The following ZNF765 variants were observed in gnomAD, a reference collection of about 807,000 sequenced individuals.
ZNF765 encodes the protein zinc finger protein 765.
ZNF765 carries 37 observed loss-of-function variants against 44.7 expected under a neutral mutation model. That is an observed-to-expected ratio of 0.83 (90% CI 0.64 to 1.09). ZNF765 has a LOEUF of 1.09. Among genes scored for constraint, ZNF765 ranks in the 50% least tolerant of loss-of-function variants. The pLI is 0.00. For missense variants in ZNF765, 594 were observed against 626.1 expected, an observed-to-expected ratio of 0.95 and a Z score of 0.55; for synonymous variants, 201 against 213.7, an observed-to-expected ratio of 0.94 and a Z score of 0.52.
At chr19:53,405,877 A>G (rs1054745205) in intron 3 of ZNF765, among the ~76,000 whole-genome samples, 2 of 135,116 alleles carry the variant, frequency 1.5e-5, no homozygotes, top group Admixed American at 7.8e-5. Context: ...TATTTTGTGC[A>G]TAGTGAACTA....
At chr19:53,401,887 A>C (rs1555831374) in intron 2 of ZNF765, 178 bp from the exon 3 acceptor site, 1 of 1,542,310 alleles carries the variant, frequency 6.5e-7, no homozygotes, top group Non-Finnish European at 8.8e-7. Flanking sequence ...AAAAAAAAAA[A>C]AAAGAACTTT....
chr19:53,409,599 A>C lies in ZNF765; in HGVS notation c.*472A>C, dbSNP rs199769980. 42 of 1,463,278 alleles carry C rather than the reference A, an allele frequency of 2.9e-5. No individual in the cohort carries two copies. In the East Asian group the frequency reaches 9.4e-4, roughly 33 times the overall value. 90.6% of individuals were successfully genotyped at this position (1,463,278 alleles called of 1,614,324 possible). ...CCTTGAAAGACAAAGGAGAATTCAT[A>C]CTGGAGAGAAACCATACAAGTGTAA... On this transcript the variant is annotated 3_prime_UTR_variant, in exon 4 of 4. Coordinates refer to ENST00000396408, the MANE Select transcript of ZNF765 (RefSeq NM_001040185.3).
At chr19:53,397,831 A>G in intron 1 of ZNF765, 112 bp from the exon 2 acceptor site, 1 of 1,102,512 alleles carries the variant, frequency 9.1e-7, no homozygotes, top group Non-Finnish European at 1.3e-6. Flanking sequence ...TGTGGTCGGC[A>G]GCATAGGGGA....
In ZNF765 at chr19:53,409,127, A is replaced by G. The variant is rs1258457459; in HGVS notation, c.1572A>G (p.Ter524=). Residue 524 remains the stop codon, a stop_retained_variant, in exon 4 of 4, where the codon TAA becomes TAG. Coordinates refer to ENST00000396408, the MANE Select transcript of ZNF765 (RefSeq NM_001040185.3). ...ATACTGGAGAGAAACTACACGTGTA[A>G]TGAGTGTGGTAAGACCTTCAATCAG... ...RIYTGEKLHV[*] is the part of the protein sequence containing the mutation. The G allele has an allele frequency of 6.8e-6, 11 of 1,611,170 alleles. No individual in the cohort carries two copies. Among genetic ancestry groups the G allele is most frequent in the Non-Finnish European group, 9.3e-6 (11 of 1,177,668 alleles).
At chr19:53,406,178 A>G (rs6509751) in intron 3 of ZNF765, among the ~76,000 whole-genome samples, 124,474 of 149,898 alleles carry the variant, frequency 0.83, 51,935 homozygotes, top group Admixed American at 0.87. Context: ...ACAGGCAGCC[A>G]CCACCATGCC....
In ZNF765 at chr19:53,410,426, G is replaced by GT; in HGVS notation, c.*1300dup. The GT allele has an allele frequency of 3.0e-6, 1 of 336,558 alleles. No individual in the cohort carries two copies. The highest frequency in any genetic ancestry group is 6.0e-6 in the Non-Finnish European group (1 of 165,952). 20.8% of individuals were successfully genotyped at this position (336,558 alleles called of 1,614,324 possible). A position where few individuals can be genotyped will look rare whatever the true frequency, so the allele number is the denominator to read the frequency against. ...CCTACTGGAGAGATAGCATAAAAAT[G>GT]TAAGAGTTTGTGACAAGGCTTTCAG... On this transcript the variant is annotated 3_prime_UTR_variant, in exon 4 of 4. Coordinates refer to ENST00000396408, the MANE Select transcript of ZNF765 (RefSeq NM_001040185.3).
In ZNF765 at chr19:53,401,443, G is replaced by A. The variant is rs1239607525; in HGVS notation, c.16-622G>A. On this transcript the variant is annotated intron_variant, in intron 2 of 3. Transcript: ENST00000396408. ...CTGGGCGTGGTGGTGGGCGCCTGTA[G>A]TCCCAGCTACTCGGGAGGCTGAGGC... Among the ~76,000 whole-genome samples, 6 of 152,100 alleles carry A rather than the reference G, an allele frequency of 3.9e-5. No individual in the cohort carries two copies. In the East Asian group the frequency reaches 7.8e-4, roughly 20 times the overall value.
At chr19:53,406,678 G>C (rs1351631954) in intron 3 of ZNF765, among the ~76,000 whole-genome samples, 1 of 152,214 alleles carries the variant, frequency 6.6e-6, no homozygotes, top group South Asian at 2.1e-4. Context: ...ACTTTGGGAG[G>C]CTGAGGTGGC....
chr19:53,413,394 A>C, downstream of ZNF765: 1 of 547,284 alleles, frequency 1.8e-6, no homozygotes, highest in Non-Finnish European at 3.5e-6. Context: ...TGAGCATTAC[A>C]ATCATGTTAC....
At chr19:53,406,447 G>A (rs2085777356) in intron 3 of ZNF765, among the ~76,000 whole-genome samples, 1 of 152,040 alleles carries the variant, frequency 6.6e-6, no homozygotes, top group Non-Finnish European at 1.5e-5. Flanking sequence ...AGTAGAAGTC[G>A]TGGCATTTTT....
At chr19:53,397,839 G>A (rs1334250948) in intron 1 of ZNF765, 104 bp from the exon 2 acceptor site, 12 of 1,177,992 alleles carry the variant, frequency 1.0e-5, no homozygotes, top group Non-Finnish European at 1.1e-5. Context: ...GCAGCATAGG[G>A]GACCGTATGT....
rs1288379658 is a variant in ZNF765 at position 53,407,794 on chromosome 19, A to G, written c.239A>G (p.His80Arg). The stretch of plus-strand genomic sequence containing the variant: ...GGGACATCTCAAAGACATGAAAGTC[A>G]TCACAATGGAGATTTTTGTTTCCAG... ...HAGTSQRHES[H>R]HNGDFCFQDI... The change falls in exon 4 of 4, where the codon CAT (histidine) becomes CGT (arginine). Residue 80 changes from histidine to arginine, a missense_variant. Around this residue, in one of 2 missense-constraint regions of ZNF765, gnomAD observed 567 missense variants for 572.6 expected, o/e 0.99. Transcript: ENST00000396408. The G allele has an allele frequency of 1.2e-6, 2 of 1,612,850 alleles. No individual in the cohort carries two copies. The highest frequency in any genetic ancestry group is 2.7e-5 in the African/African-American group (2 of 74,896).
At chr19:53,397,280 C>T (rs2085680967) in intron 1 of ZNF765, among the ~76,000 whole-genome samples, 1 of 152,234 alleles carries the variant, frequency 6.6e-6, no homozygotes, top group African/African-American at 2.4e-5. Context: ...GATGGCATTT[C>T]TCATTTTTGT....
At chr19:53,422,925 G>C in intron 3 of ZNF765, 1 of 715,190 alleles carries the variant, frequency 1.4e-6, no homozygotes, top group Non-Finnish European at 2.6e-6. Flanking sequence ...AAGGTCCACA[G>C]ATTTGATGAT....
rs2085811959 is a variant in ZNF765 at position 53,409,373 on chromosome 19, G to A, written c.*246G>A. 4.8e-6 allele frequency: 4 copies of A among 828,770 alleles called. No homozygotes were observed. Among genetic ancestry groups the A allele is most frequent in the South Asian group, 1.4e-5 (1 of 73,270 alleles). The allele number at this position is 828,770 out of a possible 1,614,324, so 51.3% of individuals were successfully genotyped here. A position where few individuals can be genotyped will look rare whatever the true frequency, so the allele number is the denominator to read the frequency against. ...TTCATAGTGGAGAGACCTTACAAAT[G>A]TGAAGAATGTGAAGAAGCTTTCTGT... On this transcript the variant is annotated 3_prime_UTR_variant, in exon 4 of 4. Transcript: ENST00000396408.
chr19:53,402,462 A>G (rs978599923), intron 3 of ZNF765, among the ~76,000 whole-genome samples: 1 of 151,668 alleles, frequency 6.6e-6, no homozygotes, highest in African/African-American at 2.4e-5. Context: ...GAGTTTCACC[A>G]TGTTAGCCAG....
At chr19:53,414,623 G>T (rs1260277108), downstream of ZNF765, among the ~76,000 whole-genome samples, 1 of 151,164 alleles carries the variant, frequency 6.6e-6, no homozygotes, top group African/African-American at 2.4e-5. Context: ...CCTTCTACGG[G>T]ATGACAGGGG....
intron 3 of ZNF765, among the ~76,000 whole-genome samples, chr19:53,421,402 T>C (rs972227570): frequency 2.6e-5 from 4 of 152,226 alleles, no homozygotes; most frequent in African/African-American, 7.2e-5. Context: ...TTTCTATACT[T>C]TGTCTCTGTC....
chr19:53,416,863 G>C (rs1434624272), downstream of ZNF765, among the ~76,000 whole-genome samples: 1 of 151,676 alleles, frequency 6.6e-6, no homozygotes, highest in African/African-American at 2.4e-5. Flanking sequence ...TGTAGCCCAG[G>C]CTGGGGAGCA....
Sources: gnomAD v4.1 joint callset for allele counts (sites outside exome capture counted in the v4.1 genomes callset) on GRCh38, gnomAD v4.1.1 for gene constraint, gnomAD v4.1.1 regional missense constraint, MANE v1.5 for transcripts, NCBI Gene and HGNC (gene_info 2026-07-23, HGNC 2026-07-21) for gene names.